The following SDCCAG8 variants were observed in gnomAD, a reference collection of about 807,000 sequenced individuals.
SDCCAG8 encodes the protein SHH signaling and ciliogenesis regulator SDCCAG8.
SDCCAG8 carries 74 observed loss-of-function variants against 101.8 expected under a neutral mutation model. The ratio of observed to expected loss-of-function variants is 0.73; its 90% CI spans 0.60 to 0.88. The LOEUF (loss-of-function observed/expected upper bound fraction) is 0.88. SDCCAG8 is among the 40% of genes least tolerant of loss of function. The probability of loss-of-function intolerance (pLI) is 0.00; values close to 1 mark genes in which losing one functional copy is unlikely to be tolerated. For missense variants in SDCCAG8, 787 were observed against 822.6 expected, an observed-to-expected ratio of 0.96 and a Z score of 0.53; for synonymous variants, 281 against 292.9, an observed-to-expected ratio of 0.96 and a Z score of 0.41.
chr1:243,403,615 C>T (rs1257815029), intron 13 of SDCCAG8, among the ~76,000 whole-genome samples: 1 of 151,842 alleles, frequency 6.6e-6, no homozygotes, highest in Non-Finnish European at 1.5e-5. Flanking sequence ...GTCACCTGAC[C>T]TCCATCTCCT....
At chr1:243,412,820 G>T (rs918318253) in intron 13 of SDCCAG8, among the ~76,000 whole-genome samples, 1 of 145,994 alleles carries the variant, frequency 6.8e-6, no homozygotes, top group South Asian at 2.2e-4. Context: ...AATTCTTTGT[G>T]ACCCTTGGGG....
intron 1 of SDCCAG8, among the ~76,000 whole-genome samples, chr1:243,259,805 A>C (rs912506226): frequency 3.9e-5 from 6 of 152,354 alleles, no homozygotes; most frequent in African/African-American, 1.4e-4. Flanking sequence ...ACTGCACTCC[A>C]GCCTGGGTAA....
intron 16 of SDCCAG8, among the ~76,000 whole-genome samples, chr1:243,436,245 G>T (rs1015367254): frequency 1.3e-5 from 2 of 151,640 alleles, no homozygotes; most frequent in Admixed American, 6.6e-5. Context: ...CATGGAAGGG[G>T]TCCCGAGCGG....
Position 243,381,657 on chromosome 1 carries a change from C to T in SDCCAG8, c.1616+2794C>T, listed in dbSNP as rs542822763. 2.0e-5 allele frequency among the ~76,000 whole-genome samples: 3 copies of T among 152,176 alleles called. No homozygotes were observed. In the East Asian group the frequency reaches 5.8e-4, roughly 29 times the overall value. ...GACCCAAATGGGTGAGTGTAACATT[C>T]ACTTAGTCAACAAATATTTACTGAG... is the stretch of plus-strand genomic sequence containing the variant. On this transcript the variant is annotated intron_variant, in intron 13 of 17. Coordinates refer to ENST00000366541, the MANE Select transcript of SDCCAG8 (RefSeq NM_006642.5).
At chr1:243,479,697 T>A (rs1401838217) in intron 16 of SDCCAG8, among the ~76,000 whole-genome samples, 2 of 152,158 alleles carry the variant, frequency 1.3e-5, no homozygotes, top group South Asian at 4.1e-4. Flanking sequence ...ATCACAGGAT[T>A]TACTTAAGTT....
rs936953026 is a variant in SDCCAG8 at position 243,474,841 on chromosome 1, G to C, written c.1986-14173G>C. 6.6e-6 allele frequency among the ~76,000 whole-genome samples: 1 copy of C among 152,242 alleles called. No individual in the cohort carries two copies. Among genetic ancestry groups the C allele is most frequent in the African/African-American group, 2.4e-5 (1 of 41,468 alleles). The stretch of plus-strand genomic sequence containing the variant: ...ACAGCCGCTCCTAACTCCGTCAACG[G>C]AATTTCACTCAACTCCGAGACTGAA... On this transcript the variant is annotated intron_variant, in intron 16 of 17. Coordinates refer to ENST00000366541, the MANE Select transcript of SDCCAG8 (RefSeq NM_006642.5). This position sits in a 1 kb window ranked among gnomAD's most constrained non-coding sequence, Gnocchi z 4.7.
chr1:243,330,210 A>G (rs1016720875), intron 9 of SDCCAG8, among the ~76,000 whole-genome samples: 1 of 152,218 alleles, frequency 6.6e-6, no homozygotes, highest in Non-Finnish European at 1.5e-5. Context: ...AACATGATAT[A>G]TAATTGAAAA....
chr1:243,482,949 C>T (rs1005723), intron 16 of SDCCAG8, among the ~76,000 whole-genome samples: 33,363 of 152,054 alleles, frequency 0.22, 3,897 homozygotes, highest in East Asian at 0.37. Context: ...CTGTGGGGGG[C>T]TTCTTGCAGC....
intron 13 of SDCCAG8, among the ~76,000 whole-genome samples, chr1:243,387,469 G>T (rs2147932587): frequency 6.6e-6 from 1 of 152,298 alleles, no homozygotes; most frequent in Middle Eastern, 3.4e-3. Context: ...AGGAATCTAA[G>T]TGAGAGTCCA....
At chr1:243,279,532 A>G (rs75849704) in intron 4 of SDCCAG8, among the ~76,000 whole-genome samples, 8 of 152,248 alleles carry the variant, frequency 5.3e-5, no homozygotes, top group Admixed American at 3.9e-4. Flanking sequence ...TACTGAATGC[A>G]TATTGCTTTT....
intron 16 of SDCCAG8, among the ~76,000 whole-genome samples, chr1:243,454,776 A>G (rs189462711): frequency 8.5e-5 from 13 of 152,242 alleles, no homozygotes; most frequent in Admixed American, 8.5e-4. Context: ...GCAGCATAGC[A>G]TTTTGCAAGA....
intron 10 of SDCCAG8, among the ~76,000 whole-genome samples, chr1:243,335,929 C>T (rs909332986): frequency 3.3e-5 from 5 of 152,162 alleles, no homozygotes; most frequent in Admixed American, 1.3e-4. Context: ...CTTAGGACTA[C>T]GGCCTCCACT....
chr1:243,478,800 T>TA (rs1002389734), intron 16 of SDCCAG8, among the ~76,000 whole-genome samples: 3 of 150,446 alleles, frequency 2.0e-5, no homozygotes, highest in African/African-American at 2.4e-5. Context: ...CCACTGAAAA[T>TA]AAAAAAAATT....
chr1:243,441,381 C>G (rs912874252), intron 16 of SDCCAG8, among the ~76,000 whole-genome samples: 1 of 152,056 alleles, frequency 6.6e-6, no homozygotes, highest in African/African-American at 2.4e-5. Context: ...ATTTTTTTAT[C>G]TTTTTCTTTG....
intron 12 of SDCCAG8, among the ~76,000 whole-genome samples, chr1:243,373,046 TA>T: frequency 6.6e-6 from 1 of 151,654 alleles, no homozygotes; most frequent in South Asian, 2.1e-4. Context: ...ACATCACACA[TA>T]GTAAGAGTTA....
intron 12 of SDCCAG8, among the ~76,000 whole-genome samples, chr1:243,349,281 A>G (rs938441243): frequency 2.6e-5 from 4 of 152,240 alleles, no homozygotes; most frequent in African/African-American, 9.6e-5. Flanking sequence ...GTGTTAGCCA[A>G]CTACAGCTCA....
At chr1:243,452,414 CTTTTTT>C (rs71574667) in intron 16 of SDCCAG8, among the ~76,000 whole-genome samples, 3 of 66,678 alleles carry the variant, frequency 4.5e-5, no homozygotes, top group South Asian at 5.4e-4. Context: ...GATCTCATCT[CTTTTTT>C]TTTTTTTTTT....
chr1:243,379,983 T>A (rs1360882612), intron 13 of SDCCAG8, among the ~76,000 whole-genome samples: 3 of 152,192 alleles, frequency 2.0e-5, no homozygotes, highest in Non-Finnish European at 4.4e-5. Flanking sequence ...GGGTGAGTGT[T>A]AAGATGCCTC....
chr1:243,325,938 G>C (rs1032190966), intron 9 of SDCCAG8, among the ~76,000 whole-genome samples: 1 of 152,186 alleles, frequency 6.6e-6, no homozygotes, highest in Non-Finnish European at 1.5e-5. Context: ...AGAGGCTTGT[G>C]CAGTCACACC....
Sources: allele counts gnomAD v4.1 joint callset (sites outside exome capture counted in the v4.1 genomes callset), GRCh38; gene constraint gnomAD v4.1.1; non-coding constraint Gnocchi (gnomAD v3.1); transcripts MANE v1.5; gene names NCBI Gene and HGNC (gene_info 2026-07-23, HGNC 2026-07-21).